COLEC12: variants seen among roughly 807,000 people sequenced by gnomAD.
COLEC12 encodes the protein collectin subfamily member 12.
Under a neutral mutation model 71.1 loss-of-function variants are expected in COLEC12, and 33 were observed. The ratio of observed to expected loss-of-function variants is 0.46; its 90% CI spans 0.35 to 0.62. COLEC12 has a LOEUF of 0.62. COLEC12 is among the 20% of genes least tolerant of loss of function. The pLI, the probability that COLEC12 is intolerant of heterozygous loss-of-function variation, is 0.00. For synonymous variants in COLEC12, 350 were observed against 353.0 expected, an observed-to-expected ratio of 0.99 and a Z score of 0.10; for missense variants, 765 against 916.1, an observed-to-expected ratio of 0.84 and a Z score of 2.13.
chr18:391,862 A>C (rs1005501255), intron 2 of COLEC12, among the ~76,000 whole-genome samples: 2 of 152,204 alleles, frequency 1.3e-5, no homozygotes, highest in Non-Finnish European at 2.9e-5. Context: ...ATGAGTAAGG[A>C]CTTTTGGGAA....
chr18:499,647 C>G (rs1157828643), intron 1 of COLEC12, among the ~76,000 whole-genome samples: 1 of 152,236 alleles, frequency 6.6e-6, no homozygotes, highest in Non-Finnish European at 1.5e-5. Flanking sequence ...GGGCCCATTC[C>G]TGAACGACTC....
chr18:474,057 T>C (rs1399212116), intron 2 of COLEC12, among the ~76,000 whole-genome samples: 3 of 152,236 alleles, frequency 2.0e-5, no homozygotes, highest in Admixed American at 2.0e-4. Context: ...TATAAGACCA[T>C]ATCAACAGCT....
At chr18:471,715 TATA>T (rs1246856350) in intron 2 of COLEC12, among the ~76,000 whole-genome samples, 4 of 151,604 alleles carry the variant, frequency 2.6e-5, no homozygotes, top group African/African-American at 9.7e-5. Context: ...ACATTTGAAA[TATA>T]ATGATATTAC....
At chr18:379,748 C>T (rs113854077) in intron 2 of COLEC12, among the ~76,000 whole-genome samples, 8 of 152,082 alleles carry the variant, frequency 5.3e-5, no homozygotes, top group Admixed American at 2.6e-4. Flanking sequence ...TCGAGAAAGC[C>T]GAAGTTGCCC....
chr18:419,300 G>A (rs1179193446), intron 2 of COLEC12, among the ~76,000 whole-genome samples: 1 of 152,082 alleles, frequency 6.6e-6, no homozygotes, highest in East Asian at 1.9e-4. Context: ...ATGCCTCCTG[G>A]GTTCAAGCAA....
rs1303562946 is a variant in COLEC12, at chr18:318,793, G to C, written c.*1252C>G. The C allele has an allele frequency of 6.6e-6, 1 of 152,094 alleles. No homozygotes were observed. Among genetic ancestry groups the C allele is most frequent in the Non-Finnish European group, 1.5e-5 (1 of 67,986 alleles). The allele number at this position is 152,094 out of a possible 1,614,324, so 9.4% of individuals were successfully genotyped here. On this transcript the variant is annotated 3_prime_UTR_variant, in exon 10 of 10. Transcript: ENST00000400256. The stretch of plus-strand genomic sequence containing the variant: ...CAGGCATGAGCCACTGCGCCCGGCT[G>C]GAAAGGTTCTTTTAAGAGTTCCACA...
At chr18:475,076 A>AAAAAAAAAT (rs58274581) in intron 2 of COLEC12, among the ~76,000 whole-genome samples, 6,126 of 151,358 alleles carry the variant, frequency 0.04, 192 homozygotes, top group Admixed American at 0.12. Context: ...CTCCGTCTCA[A>AAAAAAAAAT]AAATAAATAA....
chr18:489,483 C>T (rs1459483176), intron 1 of COLEC12, among the ~76,000 whole-genome samples: 2 of 152,176 alleles, frequency 1.3e-5, no homozygotes, highest in African/African-American at 4.8e-5. Context: ...CTAACTCTAA[C>T]TCTCAGCTGG....
At chr18:385,406 C>A (rs943805117) in intron 2 of COLEC12, among the ~76,000 whole-genome samples, 1 of 150,624 alleles carries the variant, frequency 6.6e-6, no homozygotes, top group Non-Finnish European at 1.5e-5. Flanking sequence ...CTCACTGCAA[C>A]CTCCACCTCC....
intron 7 of COLEC12, among the ~76,000 whole-genome samples, chr18:332,005 A>G (rs1025417427): frequency 2.0e-5 from 3 of 152,156 alleles, no homozygotes; most frequent in Non-Finnish European, 4.4e-5. Flanking sequence ...TGTTAAAGTG[A>G]GGCTCTTCCT....
intron 1 of COLEC12, among the ~76,000 whole-genome samples, chr18:495,824 T>C (rs921855237): frequency 6.6e-6 from 1 of 152,144 alleles, no homozygotes; most frequent in Non-Finnish European, 1.5e-5. Context: ...AATCAGACAG[T>C]CTGAGCCTGA....
intron 8 of COLEC12, among the ~76,000 whole-genome samples, chr18:329,948 G>A (rs1913934373): frequency 6.6e-6 from 1 of 152,048 alleles, no homozygotes; most frequent in Non-Finnish European, 1.5e-5. Context: ...GTGGTGATGT[G>A]CACCTGTGAT....
chr18:358,537 C>T (rs570197843), intron 2 of COLEC12, among the ~76,000 whole-genome samples: 5 of 152,258 alleles, frequency 3.3e-5, no homozygotes, highest in South Asian at 2.1e-4. Context: ...CAACAGGATT[C>T]GCGCTTCTTT....
At chr18:489,455 G>A (rs146124585) in intron 1 of COLEC12, among the ~76,000 whole-genome samples, 61 of 152,280 alleles carry the variant, frequency 4.0e-4, no homozygotes, top group Middle Eastern at 3.4e-3. Context: ...GGGTGTGTCT[G>A]TGTGTATATA....
chr18:495,050 A>G (rs1217824249), intron 1 of COLEC12, among the ~76,000 whole-genome samples: 1 of 152,212 alleles, frequency 6.6e-6, no homozygotes, highest in East Asian at 1.9e-4. Context: ...TCTCTTTGGA[A>G]TCTTAATTTG....
chr18:449,497 T>C (rs1375133465), intron 2 of COLEC12, among the ~76,000 whole-genome samples: 1 of 152,228 alleles, frequency 6.6e-6, no homozygotes, highest in African/African-American at 2.4e-5. Flanking sequence ...CATAGGTCAC[T>C]GTAATGAAGC....
intron 2 of COLEC12, among the ~76,000 whole-genome samples, chr18:429,388 CT>C (rs72117289): frequency 4.8e-4 from 70 of 146,180 alleles, no homozygotes; most frequent in Non-Finnish European, 5.4e-4. Context: ...TTTTTTCTTT[CT>C]TTTTTTTTTT....
intron 2 of COLEC12, among the ~76,000 whole-genome samples, chr18:434,565 T>C (rs1916367360): frequency 6.6e-6 from 1 of 152,230 alleles, no homozygotes; most frequent in Non-Finnish European, 1.5e-5. Flanking sequence ...CCACTCTTCC[T>C]TCTGACAGTT....
At position 422,053 on chromosome 18, in the gene COLEC12, C is replaced by T. The variant is rs368980572; in HGVS notation, c.58+58654G>A. On this transcript the variant is annotated intron_variant, in intron 2 of 9. Transcript: ENST00000400256. Reference sequence around the variant, plus strand: ...TCAGATGGTCCAGCAAGCCACATGGCTGAGAGTACAAAGGCCTTTCACACT... The same window carrying T: ...TCAGATGGTCCAGCAAGCCACATGGTTGAGAGTACAAAGGCCTTTCACACT... Among the ~76,000 whole-genome samples the T allele has an allele frequency of 4.6e-5, 7 of 152,300 alleles. No individual in the cohort carries two copies. In the South Asian group the frequency reaches 1.2e-3, roughly 27 times the overall value.
Sources: allele counts gnomAD v4.1 joint callset (sites outside exome capture counted in the v4.1 genomes callset), GRCh38; gene constraint gnomAD v4.1.1; transcripts MANE v1.5; gene names NCBI Gene and HGNC (gene_info 2026-07-23, HGNC 2026-07-21).